USP12: variants seen among roughly 807,000 people sequenced by gnomAD.
USP12 encodes the protein ubiquitin carboxyl-terminal hydrolase 12.
In USP12, 19 loss-of-function variants were observed where a neutral mutation model predicts 45.5. That is an observed-to-expected ratio of 0.42 (90% CI 0.29 to 0.61). The LOEUF is 0.61. USP12 is among the 20% of genes least tolerant of loss of function. USP12 has a pLI of 0.22. For synonymous variants in USP12, 149 were observed against 148.8 expected, an observed-to-expected ratio of 1.00 and a Z score of -0.01; for missense variants, 242 against 447.7, an observed-to-expected ratio of 0.54 and a Z score of 4.15.
intron 2 of USP12, among the ~76,000 whole-genome samples, chr13:27,116,311 C>CAAAAA (rs10549775): frequency 1.1e-5 from 1 of 90,944 alleles, no homozygotes; most frequent in Non-Finnish European, 2.2e-5. Flanking sequence ...GACGCTGTCT[C>CAAAAA]AAAAAAAAAA....
At chr13:27,130,860 A>G (rs1019474821) in intron 1 of USP12, among the ~76,000 whole-genome samples, 4 of 152,252 alleles carry the variant, frequency 2.6e-5, no homozygotes, top group Non-Finnish European at 1.5e-5. Context: ...AAGTATCACA[A>G]GTCCAAAAGA....
intron 6 of USP12, among the ~76,000 whole-genome samples, chr13:27,084,153 T>C (rs1184759164): frequency 6.9e-6 from 1 of 144,836 alleles, no homozygotes; most frequent in Non-Finnish European, 1.5e-5. Context: ...CTGTCACTCA[T>C]AAATCCATGT....
At chr13:27,082,993 G>A (rs942285298) in intron 6 of USP12, among the ~76,000 whole-genome samples, 3 of 152,102 alleles carry the variant, frequency 2.0e-5, no homozygotes, top group African/African-American at 2.4e-5. Flanking sequence ...GCGCCACCAC[G>A]TCCAGCTAAT....
intron 1 of USP12, among the ~76,000 whole-genome samples, chr13:27,154,156 C>T (rs576796414): frequency 6.6e-6 from 1 of 152,324 alleles, no homozygotes; most frequent in East Asian, 1.9e-4. Flanking sequence ...GAGGCCTTCT[C>T]TCTAAACCTC....
At chr13:27,144,080 T>A (rs186614196) in intron 1 of USP12, among the ~76,000 whole-genome samples, 2 of 152,154 alleles carry the variant, frequency 1.3e-5, no homozygotes, top group East Asian at 3.9e-4. Context: ...GGCACATGCC[T>A]ATAGTCCCAG....
chr13:27,138,129 C>A (rs1876891767), intron 1 of USP12, among the ~76,000 whole-genome samples: 1 of 152,248 alleles, frequency 6.6e-6, no homozygotes, highest in Non-Finnish European at 1.5e-5. Flanking sequence ...GGCTTACCTA[C>A]AACAGAAACT....
chr13:27,075,425 A>G (rs913792963), intron 6 of USP12, 37 bp from the exon 7 acceptor site: 1 of 1,547,566 alleles, frequency 6.5e-7, no homozygotes, highest in Middle Eastern at 1.7e-4. Flanking sequence ...ATTTCATAAA[A>G]GATATCCACC....
At chr13:27,159,560 T>G (rs1157685168) in intron 1 of USP12, among the ~76,000 whole-genome samples, 1 of 152,244 alleles carries the variant, frequency 6.6e-6, no homozygotes, top group Non-Finnish European at 1.5e-5. Flanking sequence ...AACTTGGATG[T>G]CAACCAAAAA....
intron 1 of USP12, among the ~76,000 whole-genome samples, chr13:27,163,773 A>AAAAAAAAAAAAAAAAAG (rs1566009233): frequency 4.7e-5 from 5 of 106,598 alleles, no homozygotes; most frequent in Non-Finnish European, 6.2e-5. Context: ...TGTCTTAAAA[A>AAAAAAAAAAAAAAAAAG]AAAAAAAAAA....
At chr13:27,089,692 A>G in intron 6 of USP12, 191 bp downstream of exon 6, 1 of 564,286 alleles carries the variant, frequency 1.8e-6, no homozygotes, top group East Asian at 3.0e-5. Context: ...TTCAGGGTAC[A>G]CAGTTTTTGT....
At chr13:27,102,049 T>C (rs965545402) in intron 3 of USP12, among the ~76,000 whole-genome samples, 2 of 145,850 alleles carry the variant, frequency 1.4e-5, no homozygotes, top group African/African-American at 2.6e-5. Flanking sequence ...GAATGGACAA[T>C]AGGGATTGAA....
At chr13:27,163,716 G>A (rs1199384908) in intron 1 of USP12, among the ~76,000 whole-genome samples, 2 of 148,010 alleles carry the variant, frequency 1.4e-5, no homozygotes, top group Non-Finnish European at 3.0e-5. Context: ...GCCAAGGCAG[G>A]AGGATGGTTT....
At chr13:27,096,193 C>A (rs1874573677) in intron 3 of USP12, among the ~76,000 whole-genome samples, 1 of 152,172 alleles carries the variant, frequency 6.6e-6, no homozygotes, top group African/African-American at 2.4e-5. Flanking sequence ...GTTGGACAAC[C>A]ATTTGCCAAT....
At chr13:27,160,762 G>A (rs189985570) in intron 1 of USP12, among the ~76,000 whole-genome samples, 4 of 150,652 alleles carry the variant, frequency 2.7e-5, no homozygotes, top group Admixed American at 6.6e-5. Flanking sequence ...GTTCTTAAAA[G>A]AACCAAAGCA....
intron 1 of USP12, 43 bp from the exon 2 acceptor site, chr13:27,116,639 T>A: frequency 6.3e-7 from 1 of 1,584,272 alleles, no homozygotes. Flanking sequence ...ATAGTAGTCA[T>A]GCACCACATA....
chr13:27,138,630 C>T (rs905880846), intron 1 of USP12, among the ~76,000 whole-genome samples: 1 of 152,162 alleles, frequency 6.6e-6, no homozygotes, highest in Non-Finnish European at 1.5e-5. Context: ...CCTTGGTATG[C>T]AGGAGTCAAA....
At chr13:27,165,530 G>GTTGTTGGT (rs1451235949) in intron 1 of USP12, among the ~76,000 whole-genome samples, 4 of 152,006 alleles carry the variant, frequency 2.6e-5, no homozygotes, top group African/African-American at 9.7e-5. Context: ...ATGACACAGT[G>GTTGTTGGT]ATTACCATGG....
chr13:27,107,132 TTGATCAACATGG>T (rs1204899497), intron 2 of USP12, among the ~76,000 whole-genome samples: 7 of 151,974 alleles, frequency 4.6e-5, no homozygotes, highest in African/African-American at 1.4e-4. Flanking sequence ...CGAGACCAAC[TTGATCAACATGG>T]TGAAACCCCA....
chr13:27,143,697 C>T (rs1216232224), intron 1 of USP12, among the ~76,000 whole-genome samples: 1 of 152,200 alleles, frequency 6.6e-6, no homozygotes, highest in African/African-American at 2.4e-5. Flanking sequence ...TCATGTTCCA[C>T]ATGATAACCT....
Sources: allele counts gnomAD v4.1 joint callset (sites outside exome capture counted in the v4.1 genomes callset), GRCh38; gene constraint gnomAD v4.1.1; transcripts MANE v1.5; gene names NCBI Gene and HGNC (gene_info 2026-07-23, HGNC 2026-07-21).